PLCB1: variants seen among roughly 807,000 people sequenced by gnomAD.
PLCB1 encodes phospholipase C beta 1, also known as 1-phosphatidylinositol 4,5-bisphosphate phosphodiesterase beta-1.
PLCB1 carries 46 observed loss-of-function variants against 161.8 expected under a neutral mutation model. The ratio of observed to expected loss-of-function variants is 0.28; its 90% confidence interval spans 0.22 to 0.36. PLCB1 has a LOEUF of 0.36. Ranked by LOEUF, PLCB1 falls within the 10% of genes least tolerant of loss-of-function variation. The pLI, the probability that PLCB1 is intolerant of heterozygous loss-of-function variation, is 1.00. For missense variants in PLCB1, 1,016 were observed against 1,472.5 expected (o/e 0.69, Z 5.07); for synonymous variants, 517 against 503.7 (o/e 1.03, Z -0.35).
intron 10 of PLCB1, among the ~76,000 whole-genome samples, chr20:8,696,005 T>A (rs576475447): frequency 1.3e-5 from 2 of 152,320 alleles, no homozygotes; most frequent in East Asian, 3.9e-4. Context: ...TTCACAGAAG[T>A]CCCATTCTGG....
chr20:8,624,141 A>C (rs1988264684), intron 3 of PLCB1, among the ~76,000 whole-genome samples: 1 of 152,210 alleles, frequency 6.6e-6, no homozygotes, highest in South Asian at 2.1e-4. Flanking sequence ...ATCTCACTTA[A>C]GTATAAGGAA....
chr20:8,163,592 T>G (rs527317038), intron 2 of PLCB1, among the ~76,000 whole-genome samples: 1 of 152,314 alleles, frequency 6.6e-6, no homozygotes, highest in East Asian at 1.9e-4. Flanking sequence ...TGCAAATAAT[T>G]AAATACATAA....
At chr20:8,262,173 A>G (rs1230706780) in intron 2 of PLCB1, among the ~76,000 whole-genome samples, 2 of 151,948 alleles carry the variant, frequency 1.3e-5, no homozygotes, top group African/African-American at 4.8e-5. Context: ...TCCTGAGTTT[A>G]AGGATTTGCC....
chr20:8,208,406 A>C (rs6039093), intron 2 of PLCB1, among the ~76,000 whole-genome samples: 1 of 152,002 alleles, frequency 6.6e-6, no homozygotes, highest in African/African-American at 2.4e-5. Context: ...TGGAAGGGGA[A>C]GGGAGGAGGC....
intron 31 of PLCB1, among the ~76,000 whole-genome samples, chr20:8,874,256 G>C (rs3884400): frequency 1.9e-5 from 1 of 52,682 alleles, no homozygotes; most frequent in Non-Finnish European, 4.3e-5. Flanking sequence ...ACACACACAC[G>C]CACAACAGAT....
At chr20:8,834,319 A>T (rs927936990) in intron 31 of PLCB1, among the ~76,000 whole-genome samples, 2 of 152,154 alleles carry the variant, frequency 1.3e-5, no homozygotes, top group African/African-American at 2.4e-5. Context: ...ATGATTATGG[A>T]AGACTTCACC....
chr20:8,685,152 G>C, intron 10 of PLCB1, 74 bp downstream of exon 10: 1 of 1,393,130 alleles, frequency 7.2e-7, no homozygotes, highest in East Asian at 2.3e-5. Context: ...TCTGTTGTTC[G>C]GAAGCTGAAG....
intron 27 of PLCB1, among the ~76,000 whole-genome samples, chr20:8,786,169 G>A (rs1241192286): frequency 6.6e-6 from 1 of 152,142 alleles, no homozygotes; most frequent in African/African-American, 2.4e-5. Flanking sequence ...CAAGTGGTTG[G>A]AAGAGGAGAA....
chr20:8,195,637 G>A (rs745418523), intron 2 of PLCB1, among the ~76,000 whole-genome samples: 6 of 152,012 alleles, frequency 3.9e-5, no homozygotes, highest in Non-Finnish European at 7.4e-5. Flanking sequence ...GCAACTGATG[G>A]ATTTTTTATT....
At chr20:8,495,204 A>C (rs1471650580) in intron 3 of PLCB1, among the ~76,000 whole-genome samples, 3 of 152,094 alleles carry the variant, frequency 2.0e-5, no homozygotes, top group Non-Finnish European at 4.4e-5. Flanking sequence ...ATTTAGTCTC[A>C]TTACAATTCT....
intron 4 of PLCB1, among the ~76,000 whole-genome samples, chr20:8,644,342 G>A (rs1395657439): frequency 6.7e-6 from 1 of 148,358 alleles, no homozygotes. Context: ...TCCCATCTAG[G>A]AAGTGAGGAG....
chr20:8,832,390 TC>T (rs1189995479), intron 31 of PLCB1, among the ~76,000 whole-genome samples: 1 of 152,216 alleles, frequency 6.6e-6, no homozygotes, highest in Non-Finnish European at 1.5e-5. Flanking sequence ...TAATTAAATT[TC>T]ATTTAAAAGT....
At chr20:8,153,605 G>A (rs2051530655) in intron 2 of PLCB1, among the ~76,000 whole-genome samples, 1 of 152,020 alleles carries the variant, frequency 6.6e-6, no homozygotes, top group Admixed American at 6.5e-5. Flanking sequence ...AGAAAAAAGT[G>A]TCAATGTTAA....
intron 4 of PLCB1, among the ~76,000 whole-genome samples, chr20:8,645,635 A>G (rs6118279): frequency 0.46 from 70,399 of 152,106 alleles, 17,569 homozygotes; most frequent in African/African-American, 0.66. Context: ...TTGTGACTAC[A>G]TGGTATGGAG....
At chr20:8,512,093 C>A (rs966171781) in intron 3 of PLCB1, among the ~76,000 whole-genome samples, 11 of 152,106 alleles carry the variant, frequency 7.2e-5, no homozygotes, top group African/African-American at 2.7e-4. Context: ...TGAAAAACTG[C>A]CAAACTGGTA....
At chr20:8,634,455 A>C (rs1222015194) in intron 4 of PLCB1, among the ~76,000 whole-genome samples, 1 of 152,136 alleles carries the variant, frequency 6.6e-6, no homozygotes, top group African/African-American at 2.4e-5. Flanking sequence ...TTTCTTGTGC[A>C]CAATCTAGAT....
At chr20:8,616,995 T>A (rs1988056023) in intron 3 of PLCB1, among the ~76,000 whole-genome samples, 1 of 152,084 alleles carries the variant, frequency 6.6e-6, no homozygotes, top group Admixed American at 6.5e-5. Flanking sequence ...AGGAGAGAGA[T>A]CTTGAAAGCA....
intron 3 of PLCB1, among the ~76,000 whole-genome samples, chr20:8,503,039 A>G (rs1983488982): frequency 6.6e-6 from 1 of 152,200 alleles, no homozygotes. Context: ...GTGCAGGGAC[A>G]TTTGGCAACT....
intron 3 of PLCB1, among the ~76,000 whole-genome samples, chr20:8,592,657 G>T (rs920527374): frequency 1.3e-5 from 2 of 152,156 alleles, no homozygotes; most frequent in African/African-American, 4.8e-5. Flanking sequence ...ACGGTGACTC[G>T]TCACATGTGA....
Sources: gnomAD v4.1 joint callset for allele counts (sites outside exome capture counted in the v4.1 genomes callset) on GRCh38, gnomAD v4.1.1 for gene constraint, MANE v1.5 for transcripts, NCBI Gene and HGNC (gene_info 2026-07-23, HGNC 2026-07-21) for gene names.